SYT14: variants seen among roughly 807,000 people sequenced by gnomAD.
SYT14 encodes synaptotagmin 14.
SYT14 carries 32 observed loss-of-function variants against 74.2 expected under a neutral mutation model. The ratio of observed to expected loss-of-function variants is 0.43; its 90% confidence interval spans 0.33 to 0.58. SYT14 has a LOEUF of 0.58. Ranked by LOEUF, SYT14 falls within the 20% of genes least tolerant of loss-of-function variation. The pLI, the probability that SYT14 is intolerant of heterozygous loss-of-function variation, is 0.05. For synonymous variants in SYT14, 298 were observed against 337.7 expected, an observed-to-expected ratio of 0.88 and a Z score of 1.29; for missense variants, 791 against 981.8, an observed-to-expected ratio of 0.81 and a Z score of 2.60.
At chr1:209,994,102 A>C (rs1480353768) in intron 2 of SYT14, among the ~76,000 whole-genome samples, 1 of 152,058 alleles carries the variant, frequency 6.6e-6, no homozygotes, top group African/African-American at 2.4e-5. Context: ...GTGTCCCCCT[A>C]CCTCCAAATG....
intron 7 of SYT14, among the ~76,000 whole-genome samples, chr1:210,106,164 T>C (rs1033481696): frequency 6.6e-6 from 1 of 152,182 alleles, no homozygotes; most frequent in African/African-American, 2.4e-5. Context: ...AGAGGGAGTT[T>C]AGTGTGCCAA....
chr1:210,054,980 T>C (rs1180027480), intron 5 of SYT14, among the ~76,000 whole-genome samples: 5 of 152,190 alleles, frequency 3.3e-5, no homozygotes, highest in South Asian at 2.1e-4. Flanking sequence ...AGTGTTGATA[T>C]TGCTTACTGG....
exon 10 of SYT14, chr1:210,160,868 T>C: frequency 6.2e-7 from 1 of 1,614,036 alleles, no homozygotes. Context: ...AGCTTTCTGA[T>C]GTGACACTCA....
chr1:209,978,354 T>C (rs1428599188), intron 2 of SYT14, among the ~76,000 whole-genome samples: 1 of 152,224 alleles, frequency 6.6e-6, no homozygotes, highest in Non-Finnish European at 1.5e-5. Flanking sequence ...CTTTGGTCTT[T>C]GATGATGGTG....
chr1:210,039,771 AT>A (rs1558147463), intron 5 of SYT14, among the ~76,000 whole-genome samples: 1 of 152,236 alleles, frequency 6.6e-6, no homozygotes, highest in African/African-American at 2.4e-5. Flanking sequence ...CAAAGAACAT[AT>A]GCAAAAAAGC....
intron 2 of SYT14, among the ~76,000 whole-genome samples, chr1:210,000,458 C>T (rs1237733838): frequency 1.0e-5 from 1 of 96,276 alleles, no homozygotes; most frequent in African/African-American, 6.1e-5. Flanking sequence ...AGTCCTTTGT[C>T]CTCATACGCA....
At chr1:209,992,099 C>T (rs1444300572) in intron 2 of SYT14, among the ~76,000 whole-genome samples, 1 of 152,138 alleles carries the variant, frequency 6.6e-6, no homozygotes, top group Non-Finnish European at 1.5e-5. Flanking sequence ...ATGGAATCAA[C>T]CTAAGTGTCT....
At chr1:209,985,631 G>A (rs2079558080) in intron 2 of SYT14, among the ~76,000 whole-genome samples, 1 of 152,220 alleles carries the variant, frequency 6.6e-6, no homozygotes, top group South Asian at 2.1e-4. Context: ...ACTCTGTGTG[G>A]GGCCTCCATC....
intron 7 of SYT14, among the ~76,000 whole-genome samples, chr1:210,121,378 A>C (rs1442302373): frequency 6.6e-6 from 1 of 152,234 alleles, no homozygotes; most frequent in Non-Finnish European, 1.5e-5. Context: ...GGGACATACC[A>C]AGCTGGAAAA....
intron 1 of SYT14, among the ~76,000 whole-genome samples, chr1:209,951,636 G>A (rs2078913271): frequency 6.6e-6 from 1 of 151,988 alleles, no homozygotes; most frequent in Admixed American, 6.6e-5. Context: ...CACACATGTG[G>A]GAAACAGAGA....
intron 7 of SYT14, among the ~76,000 whole-genome samples, chr1:210,138,630 A>G (rs999415427): frequency 6.6e-6 from 1 of 152,190 alleles, no homozygotes; most frequent in African/African-American, 2.4e-5. Context: ...AAAAAATTCT[A>G]TTAATACTAA....
chr1:210,043,979 G>T (rs1288792952), intron 5 of SYT14, among the ~76,000 whole-genome samples: 1 of 151,774 alleles, frequency 6.6e-6, no homozygotes, highest in East Asian at 1.9e-4. Flanking sequence ...TTCAGAAATC[G>T]TTTAAAATAT....
At chr1:210,103,731 T>C (rs909386987) in intron 7 of SYT14, among the ~76,000 whole-genome samples, 1 of 152,156 alleles carries the variant, frequency 6.6e-6, no homozygotes, top group Admixed American at 6.5e-5. Context: ...ATTAGTGAAA[T>C]CAGAGGATTA....
chr1:210,050,618 G>A (rs566351478), intron 5 of SYT14, among the ~76,000 whole-genome samples: 4 of 152,302 alleles, frequency 2.6e-5, no homozygotes, highest in African/African-American at 9.6e-5. Flanking sequence ...GTTTACAAAA[G>A]AAAGAGGTTT....
At chr1:210,093,771 C>T (rs1483319006) in intron 5 of SYT14, among the ~76,000 whole-genome samples, 2 of 152,174 alleles carry the variant, frequency 1.3e-5, no homozygotes, top group Admixed American at 1.3e-4. Context: ...ATTCACAGTG[C>T]ACCTCATTCT....
intron 5 of SYT14, among the ~76,000 whole-genome samples, chr1:210,082,625 C>G (rs1405233498): frequency 6.6e-6 from 1 of 152,136 alleles, no homozygotes; most frequent in Non-Finnish European, 1.5e-5. Flanking sequence ...CAATATATGC[C>G]AACTTTTGTT....
chr1:210,042,646 G>A (rs575032381), intron 5 of SYT14, among the ~76,000 whole-genome samples: 1 of 152,110 alleles, frequency 6.6e-6, no homozygotes. Context: ...TTTTTGTCAG[G>A]TTTGTCAAAG....
intron 2 of SYT14, among the ~76,000 whole-genome samples, chr1:209,976,768 T>G (rs2079373459): frequency 2.0e-5 from 3 of 152,208 alleles, no homozygotes; most frequent in African/African-American, 7.2e-5. Flanking sequence ...TTGTTAACTT[T>G]CTGTCTTCGT....
At chr1:209,945,132 TC>T (rs2078802820) in intron 1 of SYT14, among the ~76,000 whole-genome samples, 1 of 152,108 alleles carries the variant, frequency 6.6e-6, no homozygotes, top group African/African-American at 2.4e-5. Context: ...CCACCCCCAC[TC>T]CAGCAGCTAC....
Sources: gnomAD v4.1 joint callset for allele counts (sites outside exome capture counted in the v4.1 genomes callset) on GRCh38, gnomAD v4.1.1 for gene constraint, MANE v1.5 for transcripts, NCBI Gene and HGNC (gene_info 2026-07-23, HGNC 2026-07-21) for gene names.